The following TAX1BP1 variants were observed in gnomAD, a reference collection of about 807,000 sequenced individuals.
The protein encoded by TAX1BP1 is tax1-binding protein 1.
A neutral mutation model predicts 97.7 loss-of-function variants in TAX1BP1; 62 were observed. The observed-to-expected ratio is 0.63, with a 90% CI of 0.52 to 0.78. TAX1BP1 has a LOEUF of 0.78. Among genes scored for constraint, TAX1BP1 ranks in the 30% least tolerant of loss-of-function variants. TAX1BP1 has a pLI of 0.00. For missense variants in TAX1BP1, 867 were observed against 916.1 expected, an observed-to-expected ratio of 0.95 and a Z score of 0.69; for synonymous variants, 340 against 304.2, an observed-to-expected ratio of 1.12 and a Z score of -1.23.
At position 27,766,419 on chromosome 7, in the gene TAX1BP1, CAAAAAAAAAAAAAAAAAAAAAAAAA is replaced by C. The variant is rs201297532; in HGVS notation, c.453+420_453+444del. Among the ~76,000 whole-genome samples the C allele has an allele frequency of 1.6e-3, 123 of 76,908 alleles. 1 individual carries two copies. Among genetic ancestry groups the C allele is most frequent in the African/African-American group, 6.2e-3 (101 of 16,334 alleles). 50.5% of individuals were successfully genotyped at this position (76,908 alleles called of 152,430 possible). A position where few individuals can be genotyped will look rare whatever the true frequency, so the allele number is the denominator to read the frequency against. On this transcript the variant is annotated intron_variant, in intron 4 of 16. Coordinates refer to ENST00000396319, the MANE Select transcript of TAX1BP1 (RefSeq NM_006024.7). ...TGGGCGACAGAGCGAGACTCCGTAT[CAAAAAAAAAAAAAAAAAAAAAAAAA>C]AAAAAAAAAAAAAAAAAAAAATCGA...
intron 13 of TAX1BP1, among the ~76,000 whole-genome samples, chr7:27,802,175 A>G (rs2128320794): frequency 6.6e-6 from 1 of 152,352 alleles, no homozygotes; most frequent in African/African-American, 2.4e-5. Flanking sequence ...AGAAGGCCTA[A>G]AATGGAATTT....
intron 9 of TAX1BP1, 63 bp downstream of exon 9, chr7:27,792,293 A>G (rs1583712410): frequency 1.4e-6 from 2 of 1,411,120 alleles, no homozygotes; most frequent in Non-Finnish European, 1.9e-6. Flanking sequence ...CTCACAAAGT[A>G]GTAAATTGTG....
chr7:27,826,931 A>G (rs919930102), intron 15 of TAX1BP1, among the ~76,000 whole-genome samples: 3 of 152,176 alleles, frequency 2.0e-5, no homozygotes, highest in African/African-American at 7.2e-5. Flanking sequence ...CACATACTTT[A>G]TTAGTTTTTC....
At chr7:27,800,879 C>A (rs981617794) in intron 13 of TAX1BP1, among the ~76,000 whole-genome samples, 72 of 151,910 alleles carry the variant, frequency 4.7e-4, no homozygotes, top group Middle Eastern at 6.8e-3. Context: ...CTGAGGCGGG[C>A]GGATCACGAG....
Position 27,817,058 on chromosome 7 carries a change from T to C in TAX1BP1, c.2085+20T>C, listed in dbSNP as rs1443944861. ...AGCAAAGTAAATTGAATTTTCATTG[T>C]GTGAGCCTGTCCCTTTTTTATTTTT... On this transcript the variant is annotated intron_variant, in intron 15 of 16. Coordinates refer to ENST00000396319, the MANE Select transcript of TAX1BP1 (RefSeq NM_006024.7). 1.3e-6 allele frequency: 2 copies of C among 1,596,732 alleles called. No individual in the cohort carries two copies. Among genetic ancestry groups the C allele is most frequent in the Non-Finnish European group, 8.5e-7 (1 of 1,174,778 alleles).
chr7:27,787,458 T>C lies in TAX1BP1; in HGVS notation c.893T>C (p.Met298Thr). 5 of 1,612,084 alleles carry C rather than the reference T, an allele frequency of 3.1e-6. No homozygotes were observed. Among genetic ancestry groups the C allele is most frequent in the Non-Finnish European group, 4.2e-6 (5 of 1,179,238 alleles). ...KNTEIENTKL[M>T]SEVQTLKNLD... The stretch of plus-strand genomic sequence containing the variant: ...ACAGAAATAGAAAATACCAAGCTTA[T>C]GTCAGAGGTCCAGACTTTAAAAAAT... Residue 298 changes from methionine (M) to threonine (T), a missense_variant, in exon 8 of 17, where the codon ATG becomes ACG. By Grantham distance (81) the Met-to-Thr change is moderately conservative. Transcript: ENST00000396319.
chr7:27,790,295 G>T, intron 8 of TAX1BP1, among the ~76,000 whole-genome samples: 1 of 150,992 alleles, frequency 6.6e-6, no homozygotes, highest in South Asian at 2.1e-4. Context: ...TATGTTTTTT[G>T]ATTGTTTTTG....
chr7:27,793,299 C>T (rs1352522881), intron 10 of TAX1BP1, 87 bp downstream of exon 10: 1 of 1,149,832 alleles, frequency 8.7e-7, no homozygotes, highest in Non-Finnish European at 1.2e-6. Flanking sequence ...AAATATCAAC[C>T]TTTTAAATAT....
chr7:27,767,512 A>G (rs960027307), intron 4 of TAX1BP1, among the ~76,000 whole-genome samples: 10 of 152,134 alleles, frequency 6.6e-5, no homozygotes, highest in African/African-American at 2.4e-4. Context: ...CTTATCTTAA[A>G]GAAATGTAAC....
chr7:27,754,385 TATATATA>T (rs1182882807), intron 2 of TAX1BP1, among the ~76,000 whole-genome samples: 1 of 147,920 alleles, frequency 6.8e-6, no homozygotes, highest in East Asian at 1.9e-4. Flanking sequence ...ACAATTATAA[TATATATA>T]ATATATAAAT....
chr7:27,763,538 G>A lies in TAX1BP1; in HGVS notation c.266-2296G>A, dbSNP rs529077841. ...TCCCAGCACTTTGGGAGGCCGGGGC[G>A]GGTGGATTACCTGAGGATAGGAATT... is the stretch of plus-strand genomic sequence containing the variant. On this transcript the variant is annotated intron_variant, in intron 3 of 16. Transcript: ENST00000396319. Among the ~76,000 whole-genome samples the A allele has an allele frequency of 7.9e-5, 12 of 152,208 alleles. No individual in the cohort carries two copies. In the South Asian group the frequency reaches 1.0e-3, roughly 13 times the overall value.
intron 5 of TAX1BP1, among the ~76,000 whole-genome samples, chr7:27,784,411 T>C (rs574444641): frequency 6.6e-6 from 1 of 152,320 alleles, no homozygotes; most frequent in South Asian, 2.1e-4. Flanking sequence ...TTGCACTTAC[T>C]ACCTCTTTTA....
chr7:27,765,907 A>G lies in TAX1BP1; in HGVS notation c.339A>G (p.Gly113=), dbSNP rs1788613564. The change falls in exon 4 of 17, where the codon GGA becomes GGG. Residue 113 remains glycine, a synonymous_variant. Transcript: ENST00000396319. The stretch of plus-strand genomic sequence containing the variant: ...TTACCCATAAGGGTGAAATTCGTGG[A>G]GCAAGTACACCTTTCCAGTTTCGAG... ...CYVTHKGEIR[G]ASTPFQFRAS... The G allele has an allele frequency of 2.5e-6, 4 of 1,614,080 alleles. No individual in the cohort carries two copies. Among genetic ancestry groups the G allele is most frequent in the Non-Finnish European group, 3.4e-6 (4 of 1,180,034 alleles).
chr7:27,804,835 A>G (rs1359172944), intron 13 of TAX1BP1, among the ~76,000 whole-genome samples: 1 of 152,186 alleles, frequency 6.6e-6, no homozygotes, highest in Non-Finnish European at 1.5e-5. Flanking sequence ...AAACCATTCC[A>G]TATATGAAGC....
At chr7:27,821,737 G>C (rs1324163148) in intron 15 of TAX1BP1, among the ~76,000 whole-genome samples, 1 of 151,578 alleles carries the variant, frequency 6.6e-6, no homozygotes, top group Non-Finnish European at 1.5e-5. Flanking sequence ...GGTTTTTAAT[G>C]TATTCACAGA....
In TAX1BP1 at chr7:27,794,306, A is replaced by G; in HGVS notation, c.1411-17A>G. The G allele has an allele frequency of 2.5e-6, 4 of 1,595,306 alleles. No homozygotes were observed. The highest frequency in any genetic ancestry group is 3.3e-4 in the Middle Eastern group (2 of 6,010). On this transcript the variant is annotated splice_polypyrimidine_tract_variant and intron_variant, in intron 10 of 16. Transcript: ENST00000396319. The stretch of plus-strand genomic sequence containing the variant: ...AATTCATTGACTCATTTAACAACTT[A>G]TTAACATTTTGAATAGGCTAATAAT...
chr7:27,765,917 C>T lies in TAX1BP1; in HGVS notation c.349C>T (p.Pro117Ser). The T allele has an allele frequency of 6.2e-7, 1 of 1,614,158 alleles. No individual in the cohort carries two copies. Among genetic ancestry groups the T allele is most frequent in the Non-Finnish European group, 8.5e-7 (1 of 1,180,034 alleles). Reference protein sequence around the residue: ...HKGEIRGASTPFQFRASSPVE... With the variant: ...HKGEIRGASTSFQFRASSPVE... Reference sequence around the variant, plus strand: ...GGGTGAAATTCGTGGAGCAAGTACACCTTTCCAGTTTCGAGCTTCTTCTCC... The same window carrying T: ...GGGTGAAATTCGTGGAGCAAGTACATCTTTCCAGTTTCGAGCTTCTTCTCC... Residue 117 changes from proline to serine, a missense_variant, in exon 4 of 17, where the codon CCT becomes TCT. Physicochemically the swap from Pro to Ser is moderately conservative, Grantham distance 74 (BLOSUM62 -1). This residue lies in a region of TAX1BP1 where 822 missense variants were observed against 851.4 expected (regional missense o/e 0.97). Transcript: ENST00000396319.
chr7:27,756,337 G>A (rs1294881424), intron 2 of TAX1BP1, among the ~76,000 whole-genome samples: 1 of 152,010 alleles, frequency 6.6e-6, no homozygotes, highest in Non-Finnish European at 1.5e-5. Context: ...AGTAACTTAA[G>A]AACTATTGTT....
At chr7:27,757,369 G>A (rs1788261102) in intron 2 of TAX1BP1, among the ~76,000 whole-genome samples, 1 of 152,034 alleles carries the variant, frequency 6.6e-6, no homozygotes, top group Non-Finnish European at 1.5e-5. Context: ...AAACATCTTG[G>A]TGCTAAAGGT....
Sources: gnomAD v4.1 joint callset for allele counts (sites outside exome capture counted in the v4.1 genomes callset) on GRCh38, gnomAD v4.1.1 for gene constraint, gnomAD v4.1.1 regional missense constraint, MANE v1.5 for transcripts, NCBI Gene and HGNC (gene_info 2026-07-23, HGNC 2026-07-21) for gene names.